Variants in FRMD4A observed in about 807,000 individuals in gnomAD.
The protein encoded by FRMD4A is FERM domain-containing protein 4A.
A neutral mutation model predicts 129.1 loss-of-function variants in FRMD4A; 29 were observed. The ratio of observed to expected loss-of-function variants is 0.22; its 90% CI spans 0.17 to 0.31. The LOEUF (loss-of-function observed/expected upper bound fraction) is 0.31. FRMD4A is among the 10% of genes least tolerant of loss of function. The probability of loss-of-function intolerance (pLI) is 1.00; values close to 1 mark genes in which losing one functional copy is unlikely to be tolerated. For missense variants in FRMD4A, 1,272 were observed against 1,375.8 expected, an observed-to-expected ratio of 0.92 and a Z score of 1.19; for synonymous variants, 634 against 571.6, an observed-to-expected ratio of 1.11 and a Z score of -1.56.
At chr10:13,975,519 A>G (rs1391890439) in intron 2 of FRMD4A, among the ~76,000 whole-genome samples, 1 of 144,858 alleles carries the variant, frequency 6.9e-6, no homozygotes, top group Admixed American at 6.9e-5. Context: ...GTATGTGTGT[A>G]CTGTGTCTGT....
chr10:14,162,956 C>T (rs1206107655), intron 2 of FRMD4A, among the ~76,000 whole-genome samples: 1 of 152,080 alleles, frequency 6.6e-6, no homozygotes, highest in African/African-American at 2.4e-5. Context: ...ACCGGCATGG[C>T]CATTCGAATC....
rs189207032 is a variant in FRMD4A, at chr10:13,719,272, T to C, written c.760-12159A>G. Among the ~76,000 whole-genome samples the C allele has an allele frequency of 3.0e-3, 455 of 152,324 alleles. 1 individual carries two copies. The highest frequency in any genetic ancestry group is 9.4e-3 in the African/African-American group (391 of 41,574). ...GGTAAGAGCCACAGCCGAGGAGCCG[T>C]AGCCCTTCTTTCTGGCAGCTCTGTT... On this transcript the variant is annotated intron_variant, in intron 12 of 24. Coordinates refer to ENST00000357447, the MANE Select transcript of FRMD4A (RefSeq NM_018027.5).
chr10:14,147,283 G>C (rs1043806784), intron 2 of FRMD4A, among the ~76,000 whole-genome samples: 2 of 152,128 alleles, frequency 1.3e-5, no homozygotes, highest in Non-Finnish European at 2.9e-5. Flanking sequence ...AAGAGTGGGA[G>C]AGTTGCCTCC....
intron 2 of FRMD4A, chr10:13,972,344 C>T (rs1211804388): frequency 1.0e-6 from 1 of 984,982 alleles, no homozygotes; most frequent in Non-Finnish European, 1.2e-6. Flanking sequence ...GCAAAAAGTC[C>T]CATTCTGTAG....
chr10:14,299,983 A>C (rs1462881901), intron 2 of FRMD4A, among the ~76,000 whole-genome samples: 2 of 152,052 alleles, frequency 1.3e-5, no homozygotes, highest in Non-Finnish European at 2.9e-5. Context: ...GAGAAAGTGC[A>C]AAGTGAAGGC....
chr10:13,679,458 A>AAAAAAAAAAAT (rs1554838339), intron 15 of FRMD4A, among the ~76,000 whole-genome samples: 2 of 24,544 alleles, frequency 8.1e-5, no homozygotes, highest in African/African-American at 3.7e-4. Context: ...AAAAAAAAAA[A>AAAAAAAAAAAT]AAATATATAT....
At chr10:14,125,699 A>G (rs1244712148) in intron 2 of FRMD4A, among the ~76,000 whole-genome samples, 2 of 151,998 alleles carry the variant, frequency 1.3e-5, no homozygotes, top group East Asian at 3.9e-4. Context: ...TGGGGAATCC[A>G]GTCTCTCTCT....
At chr10:14,062,963 G>A (rs1457410591) in intron 2 of FRMD4A, among the ~76,000 whole-genome samples, 2 of 152,134 alleles carry the variant, frequency 1.3e-5, no homozygotes, top group African/African-American at 4.8e-5. Flanking sequence ...AATCCTAGTG[G>A]TTTTGCCTAT....
At chr10:13,976,591 A>G (rs1395427238) in intron 2 of FRMD4A, among the ~76,000 whole-genome samples, 1 of 152,140 alleles carries the variant, frequency 6.6e-6, no homozygotes, top group Non-Finnish European at 1.5e-5. Context: ...GGCTCTGGGA[A>G]TGTTTTAAGA....
chr10:13,942,717 G>A (rs570453493), intron 2 of FRMD4A, among the ~76,000 whole-genome samples: 23 of 152,108 alleles, frequency 1.5e-4, no homozygotes, highest in Non-Finnish European at 2.9e-4. Context: ...GGCAGATCAC[G>A]AGGTCAAGAG....
At chr10:13,795,672 T>C (rs142551384) in intron 5 of FRMD4A, among the ~76,000 whole-genome samples, 1 of 152,300 alleles carries the variant, frequency 6.6e-6, no homozygotes, top group East Asian at 1.9e-4. Context: ...GCTTCTGTAA[T>C]TGTGTTGCAA....
chr10:13,901,862 G>C (rs931795680), intron 2 of FRMD4A, among the ~76,000 whole-genome samples: 3 of 152,032 alleles, frequency 2.0e-5, no homozygotes, highest in Admixed American at 2.0e-4. Flanking sequence ...GTGATGACTT[G>C]GGAGGCAATG....
intron 2 of FRMD4A, among the ~76,000 whole-genome samples, chr10:14,170,275 C>T (rs1316324863): frequency 6.6e-6 from 1 of 152,132 alleles, no homozygotes. Flanking sequence ...CTCTGTGTGG[C>T]TGACTATTAT....
chr10:13,678,796 G>C (rs2084222779), intron 15 of FRMD4A, among the ~76,000 whole-genome samples: 1 of 152,108 alleles, frequency 6.6e-6, no homozygotes, highest in Non-Finnish European at 1.5e-5. Flanking sequence ...TTTTTTAATT[G>C]GCACATAATA....
chr10:13,977,073 G>A (rs117211050), intron 2 of FRMD4A, among the ~76,000 whole-genome samples: 14 of 152,288 alleles, frequency 9.2e-5, no homozygotes, highest in Non-Finnish European at 2.1e-4. Context: ...ATCAATAGCC[G>A]ATTTATTCCA....
chr10:13,654,569 AAG>A (rs1174024608), intron 22 of FRMD4A, 57 bp from the exon 23 acceptor site: 2 of 1,170,694 alleles, frequency 1.7e-6, no homozygotes, highest in Non-Finnish European at 2.5e-6. Context: ...ACACAGGTGA[AAG>A]AGCTTGCGAC....
At chr10:14,313,800 A>G (rs1589298782) in intron 2 of FRMD4A, among the ~76,000 whole-genome samples, 1 of 152,362 alleles carries the variant, frequency 6.6e-6, no homozygotes, top group East Asian at 1.9e-4. Flanking sequence ...TATCTCATCT[A>G]TTCTATTCAC....
chr10:13,679,376 G>A (rs1168831977), intron 15 of FRMD4A, among the ~76,000 whole-genome samples: 2 of 127,808 alleles, frequency 1.6e-5, no homozygotes, highest in African/African-American at 3.0e-5. Context: ...GCAATGAGCC[G>A]AGATTGGTCC....
chr10:14,198,939 CAGT>C (rs1429936258), intron 2 of FRMD4A, among the ~76,000 whole-genome samples: 1 of 152,174 alleles, frequency 6.6e-6, no homozygotes, highest in African/African-American at 2.4e-5. Context: ...TCAAAGTACT[CAGT>C]AGAGGGCTTG....
Sources: allele counts gnomAD v4.1 joint callset (sites outside exome capture counted in the v4.1 genomes callset), GRCh38; gene constraint gnomAD v4.1.1; transcripts MANE v1.5; gene names NCBI Gene and HGNC (gene_info 2026-07-23, HGNC 2026-07-21).